Variants in GPN3 observed in about 807,000 individuals in gnomAD.
The protein encoded by GPN3 is GPN-loop GTPase 3.
Under a neutral mutation model 38.7 loss-of-function variants are expected in GPN3, and 31 were observed. That is an observed-to-expected ratio of 0.80 (90% CI 0.60 to 1.08). GPN3 has a LOEUF of 1.08. Among genes scored for constraint, GPN3 ranks in the 50% least tolerant of loss-of-function variants. GPN3 has a pLI of 0.00. For missense variants in GPN3, 301 were observed against 354.4 expected, an observed-to-expected ratio of 0.85 and a Z score of 1.21; for synonymous variants, 116 against 120.2, an observed-to-expected ratio of 0.96 and a Z score of 0.23.
intron 5 of GPN3, 47 bp from the exon 6 acceptor site, chr12:110,455,729 A>T: frequency 9.6e-7 from 1 of 1,041,746 alleles, no homozygotes; most frequent in Non-Finnish European, 1.5e-6. Flanking sequence ...TAGGTTTATA[A>T]ACCAGCCAAA....
At chr12:110,460,892 A>C in intron 2 of GPN3, 1 of 682,920 alleles carries the variant, frequency 1.5e-6, no homozygotes, top group East Asian at 2.7e-5. Context: ...TGAACCCAGC[A>C]GGCAGAGGTT....
chr12:110,468,244 G>C lies in GPN3; in HGVS notation c.-41C>G, dbSNP rs1291442229. The C allele has an allele frequency of 6.2e-7, 1 of 1,605,726 alleles. No individual in the cohort carries two copies. Among genetic ancestry groups the C allele is most frequent in the Admixed American group, 1.7e-5 (1 of 59,950 alleles). On this transcript the variant is annotated 5_prime_UTR_variant, in exon 1 of 8. Coordinates refer to ENST00000228827, the MANE Select transcript of GPN3 (RefSeq NM_016301.4). ...CGCCCGCCACACTCCCTTAGCCTTCGCGCGACGCCCACTGAGCTCCGGGAA... is the reference window on the plus strand; with the variant it reads ...CGCCCGCCACACTCCCTTAGCCTTCCCGCGACGCCCACTGAGCTCCGGGAA...
At chr12:110,459,520 G>A (rs926304046) in intron 3 of GPN3, among the ~76,000 whole-genome samples, 175 bp downstream of exon 3, 9 of 152,160 alleles carry the variant, frequency 5.9e-5, no homozygotes, top group Non-Finnish European at 8.8e-5. Flanking sequence ...GATTACAGGC[G>A]TGAGCCACTG....
At chr12:110,465,301 A>C (rs1005413314) in intron 1 of GPN3, 87 bp from the exon 2 acceptor site, 1 of 799,676 alleles carries the variant, frequency 1.3e-6, no homozygotes, top group Non-Finnish European at 2.3e-6. Flanking sequence ...ACTAAGGTCA[A>C]AACTATGCCT....
In GPN3 at chr12:110,458,050, A is replaced by C. The variant is rs1023665187; in HGVS notation, c.326-416T>G. 6.6e-6 allele frequency among the ~76,000 whole-genome samples: 1 copy of C among 152,076 alleles called. No individual in the cohort carries two copies. Among genetic ancestry groups the C allele is most frequent in the Non-Finnish European group, 1.5e-5 (1 of 68,034 alleles). On this transcript the variant is annotated intron_variant, in intron 3 of 7. Coordinates refer to ENST00000228827, the MANE Select transcript of GPN3 (RefSeq NM_016301.4). The surrounding 1 kb of genome is among the most constrained non-coding windows in gnomAD (Gnocchi z 4.4). ...AGAATTGCTTAAACCCGGGAGGAGG[A>C]GGCTGCAGTGAGCCAAGATCACGCC...
intron 1 of GPN3, among the ~76,000 whole-genome samples, chr12:110,466,658 G>A (rs2062630165): frequency 6.6e-6 from 1 of 152,206 alleles, no homozygotes; most frequent in African/African-American, 2.4e-5. Context: ...ACCATGCCCA[G>A]CTAATTTTTG....
intron 4 of GPN3, 53 bp downstream of exon 4, chr12:110,457,456 AC>A (rs1415788746): frequency 1.5e-6 from 2 of 1,304,404 alleles, no homozygotes; most frequent in Non-Finnish European, 2.0e-6. Context: ...TGTCACACAC[AC>A]AAAAAAAAAA....
At chr12:110,467,348 T>C (rs1331059921) in intron 1 of GPN3, among the ~76,000 whole-genome samples, 2 of 152,222 alleles carry the variant, frequency 1.3e-5, no homozygotes, top group Non-Finnish European at 2.9e-5. Flanking sequence ...TGTATTTGAA[T>C]GTTCCTAACA....
upstream of GPN3, chr12:110,468,547 G>T: frequency 6.5e-7 from 1 of 1,537,310 alleles, no homozygotes; most frequent in South Asian, 1.2e-5. Context: ...GCGTGCAGAC[G>T]TTTGACCTGT....
chr12:110,453,677 A>G, intron 7 of GPN3, 66 bp downstream of exon 7: 2 of 1,280,732 alleles, frequency 1.6e-6, no homozygotes, highest in South Asian at 2.5e-5. Context: ...GGATTATGCA[A>G]GAGTCCAGTG....
At chr12:110,453,991 C>T (rs760984085) in intron 6 of GPN3, 120 bp from the exon 7 acceptor site, 104 of 678,188 alleles carry the variant, frequency 1.5e-4, no homozygotes, top group Middle Eastern at 3.1e-4. Context: ...GATGTGTTTA[C>T]AGGAAGAGGA....
chr12:110,453,089 T>G lies in GPN3; in HGVS notation c.800A>C (p.Glu267Ala). The G allele has an allele frequency of 7.0e-7, 1 of 1,418,894 alleles. No individual in the cohort carries two copies. The allele number at this position is 1,418,894 out of a possible 1,614,324, so 87.9% of individuals were successfully genotyped here. The stretch of plus-strand genomic sequence containing the variant: ...GTCAAACATAGAGGAAGACTCATCT[T>G]CACGTTCCTGACACAATGGAAACAC... ...DLEFKEPKER[E>A]DESSSMFDEY... Residue 267 changes from glutamate to alanine, a missense_variant, in exon 8 of 8, where the codon GAA (glutamate) becomes GCA (alanine). By Grantham distance (107) the Glu-to-Ala change is moderately radical (BLOSUM62 -1). Transcript: ENST00000228827.
At chr12:110,459,566 G>C in intron 3 of GPN3, 129 bp downstream of exon 3, 1 of 708,390 alleles carries the variant, frequency 1.4e-6, no homozygotes, top group South Asian at 1.7e-5. Context: ...GTAAGTGACA[G>C]CCATTGAATA....
intron 2 of GPN3, 107 bp from the exon 3 acceptor site, chr12:110,459,969 A>G: frequency 1.2e-6 from 1 of 864,750 alleles, no homozygotes; most frequent in African/African-American, 1.7e-5. Context: ...ACCCATATGC[A>G]GGAAATTATT....
rs781023640 is a variant in GPN3 at position 110,455,943 on chromosome 12, A to G, written c.451-13T>C. The G allele has an allele frequency of 7.4e-7, 1 of 1,347,826 alleles. No individual in the cohort carries two copies. The highest frequency in any genetic ancestry group is 1.1e-6 in the Non-Finnish European group (1 of 937,596). 83.5% of individuals were successfully genotyped at this position (1,347,826 alleles called of 1,614,324 possible). On this transcript the variant is annotated splice_polypyrimidine_tract_variant and intron_variant, in intron 4 of 7. Transcript: ENST00000228827. ...TGCCAGAAATAAACTGAAGGAGGAA[A>G]CAGAAAAGGGAAGATGAACTGACTG...
At chr12:110,465,458 C>T (rs1235165367) in intron 1 of GPN3, among the ~76,000 whole-genome samples, 1 of 152,166 alleles carries the variant, frequency 6.6e-6, no homozygotes, top group Non-Finnish European at 1.5e-5. Flanking sequence ...CTGGGATGTC[C>T]TCCATAATCA....
rs992947676 is a variant in GPN3 at position 110,452,524 on chromosome 12, G to A, written c.*510C>T. On this transcript the variant is annotated 3_prime_UTR_variant, in exon 8 of 8. Coordinates refer to ENST00000228827, the MANE Select transcript of GPN3 (RefSeq NM_016301.4). ...GGTCCAAGAATCATTAAAAACCTTT[G>A]TTTCTTTTATATATACACATACATA... 2.6e-5 allele frequency: 4 copies of A among 154,346 alleles called. No individual in the cohort carries two copies. Among genetic ancestry groups the A allele is most frequent in the Non-Finnish European group, 5.8e-5 (4 of 69,560 alleles). 9.6% of individuals were successfully genotyped at this position (154,346 alleles called of 1,614,324 possible).
intron 1 of GPN3, among the ~76,000 whole-genome samples, chr12:110,465,899 A>T (rs542603406): frequency 6.6e-6 from 1 of 152,266 alleles, no homozygotes; most frequent in South Asian, 2.1e-4. Flanking sequence ...CGACATGGTG[A>T]AACCTCGTCT....
chr12:110,456,469 G>C (rs191873445), intron 4 of GPN3, among the ~76,000 whole-genome samples: 92 of 152,022 alleles, frequency 6.1e-4, no homozygotes, highest in Middle Eastern at 6.8e-3. Flanking sequence ...TTGATTCTTG[G>C]TTCCCAAAGG....
Sources: gnomAD v4.1 joint callset for allele counts (sites outside exome capture counted in the v4.1 genomes callset) on GRCh38, gnomAD v4.1.1 for gene constraint, Gnocchi (gnomAD v3.1) non-coding constraint, MANE v1.5 for transcripts, NCBI Gene and HGNC (gene_info 2026-07-23, HGNC 2026-07-21) for gene names.